Variants in TTC23 observed in about 807,000 individuals in gnomAD.
The protein encoded by TTC23 is tetratricopeptide repeat protein 23.
A neutral mutation model predicts 55.1 loss-of-function variants in TTC23; 58 were observed. That is an observed-to-expected ratio of 1.05 (90% CI 0.85 to 1.31). The LOEUF is 1.31. TTC23 is among the 50% of genes most tolerant of loss of function. The pLI, the probability that TTC23 is intolerant of heterozygous loss-of-function variation, is 0.00. For missense variants in TTC23, 516 were observed against 534.4 expected, an observed-to-expected ratio of 0.97 and a Z score of 0.34; for synonymous variants, 203 against 199.9, an observed-to-expected ratio of 1.02 and a Z score of -0.13.
In TTC23 at chr15:99,161,863, T is replaced by C. The variant is rs1463949304; in HGVS notation, c.870A>G (p.Val290=). ...VASGRHEHHD[V]AEQYFQESMA... ...TGCTCTCTTGAAAATACTGCTCAGC[T>C]ACATCTGAAGAAAAGCATTTATCAT... The change falls in exon 11 of 14, where the codon GTA becomes GTG. Residue 290 remains valine, a synonymous_variant. Coordinates refer to ENST00000394132, the MANE Select transcript of TTC23 (RefSeq NM_001288615.3). 2 of 1,596,718 alleles carry C rather than the reference T, an allele frequency of 1.3e-6. No individual in the cohort carries two copies. Among genetic ancestry groups the C allele is most frequent in the Non-Finnish European group, 8.5e-7 (1 of 1,175,498 alleles).
At chr15:99,209,934 T>G (rs1463858436) in intron 8 of TTC23, among the ~76,000 whole-genome samples, 1 of 152,084 alleles carries the variant, frequency 6.6e-6, no homozygotes, top group Non-Finnish European at 1.5e-5. Context: ...ATTAGTTGTA[T>G]TAATTTGAGA....
At chr15:99,174,735 A>C (rs1407973769) in intron 10 of TTC23, among the ~76,000 whole-genome samples, 2 of 151,044 alleles carry the variant, frequency 1.3e-5, no homozygotes, top group East Asian at 3.9e-4. Flanking sequence ...TTAAAAATAG[A>C]TCACCTTTGA....
chr15:99,234,608 G>A (rs560505848), intron 4 of TTC23, among the ~76,000 whole-genome samples: 4 of 152,086 alleles, frequency 2.6e-5, no homozygotes, highest in African/African-American at 7.2e-5. Flanking sequence ...TCCTGACCTC[G>A]TGATCTGCCT....
chr15:99,170,946 C>T (rs1331677334), intron 10 of TTC23, among the ~76,000 whole-genome samples: 2 of 152,346 alleles, frequency 1.3e-5, no homozygotes, highest in Admixed American at 1.3e-4. Context: ...ACAAGGATTT[C>T]AATGGCAGCA....
intron 9 of TTC23, among the ~76,000 whole-genome samples, chr15:99,178,100 T>C (rs2073774210): frequency 6.6e-6 from 1 of 152,190 alleles, no homozygotes; most frequent in African/African-American, 2.4e-5. Context: ...GAAGATCACT[T>C]GATCCTGGGA....
At chr15:99,169,679 G>A (rs2072647804) in intron 10 of TTC23, among the ~76,000 whole-genome samples, 1 of 152,254 alleles carries the variant, frequency 6.6e-6, no homozygotes, top group Non-Finnish European at 1.5e-5. Context: ...AGGTAAAAAA[G>A]AGGAGACCTG....
At chr15:99,245,237 C>G (rs1396400233) in intron 2 of TTC23, among the ~76,000 whole-genome samples, 152 bp downstream of exon 2, 1 of 152,220 alleles carries the variant, frequency 6.6e-6, no homozygotes, top group African/African-American at 2.4e-5. Flanking sequence ...AGAGGCCGGG[C>G]GTGGTGGCTC....
At chr15:99,250,664 A>T (rs1467096322), upstream of TTC23, among the ~76,000 whole-genome samples, 1 of 152,238 alleles carries the variant, frequency 6.6e-6, no homozygotes, top group African/African-American at 2.4e-5. Context: ...TCGCTGACAT[A>T]ATAATTTTCG....
chr15:99,177,834 C>A (rs1681496548), intron 9 of TTC23, among the ~76,000 whole-genome samples: 1 of 151,624 alleles, frequency 6.6e-6, no homozygotes, highest in South Asian at 2.1e-4. Context: ...TGTTTTTTTG[C>A]CATGGAGACA....
intron 9 of TTC23, among the ~76,000 whole-genome samples, chr15:99,188,645 G>A (rs1057142217): frequency 2.0e-5 from 3 of 151,886 alleles, no homozygotes; most frequent in Non-Finnish European, 4.4e-5. Context: ...GAAATGACAG[G>A]AATATTTCAC....
chr15:99,166,276 G>C (rs1033884587), intron 10 of TTC23, among the ~76,000 whole-genome samples: 48 of 152,250 alleles, frequency 3.2e-4, no homozygotes, highest in African/African-American at 1.0e-3. Flanking sequence ...CCACCTCCCA[G>C]GATTCCTTCC....
chr15:99,166,294 GC>G (rs570331769), intron 10 of TTC23, among the ~76,000 whole-genome samples: 30 of 152,202 alleles, frequency 2.0e-4, no homozygotes, highest in African/African-American at 6.5e-4. Context: ...TCCCCTAACT[GC>G]CCCGAAAAGC....
rs535019866 is a variant in TTC23 at position 99,219,172 on chromosome 15, G to A, written c.305-124C>T. 37 of 1,074,444 alleles carry A rather than the reference G, an allele frequency of 3.4e-5. No individual in the cohort carries two copies. The African/African-American group carries it at 3.9e-4, about 11-fold the overall frequency. The allele number at this position is 1,074,444 out of a possible 1,614,324, so 66.6% of individuals were successfully genotyped here. ...ATATTGTCAAATGACACATGGAGAC[G>A]TATCTGGGCAGCATGAAACACTGCC... On this transcript the variant is annotated intron_variant, in intron 6 of 13. Transcript: ENST00000394132.
At chr15:99,167,302 G>A (rs1224307003) in intron 10 of TTC23, among the ~76,000 whole-genome samples, 1 of 152,172 alleles carries the variant, frequency 6.6e-6, no homozygotes, top group Non-Finnish European at 1.5e-5. Flanking sequence ...CTCACACAAG[G>A]CCACCCCTAC....
At chr15:99,172,495 G>A (rs1012799616) in intron 10 of TTC23, among the ~76,000 whole-genome samples, 13 of 152,190 alleles carry the variant, frequency 8.5e-5, no homozygotes, top group African/African-American at 2.9e-4. Context: ...GGCCTAAGGT[G>A]GGAGGAGACA....
At chr15:99,170,219 C>T (rs1261164341) in intron 10 of TTC23, among the ~76,000 whole-genome samples, 1 of 152,080 alleles carries the variant, frequency 6.6e-6, no homozygotes, top group African/African-American at 2.4e-5. Context: ...GTTTTGTCTG[C>T]ATAAGGAATA....
At chr15:99,150,670 C>A (rs2069597690) in intron 12 of TTC23, among the ~76,000 whole-genome samples, 1 of 152,154 alleles carries the variant, frequency 6.6e-6, no homozygotes, top group Non-Finnish European at 1.5e-5. Context: ...AGTTAGTGTT[C>A]CCTATCATCA....
At position 99,187,452 on chromosome 15, in the gene TTC23, C is replaced by CAAAAAAAAAAAAAAAAAA. The variant is rs66568931; in HGVS notation, c.760-12298_760-12297insTTTTTTTTTTTTTTTTTT. ...GGAGATGTGATGCCAAAAGCACAAG[C>CAAAAAAAAAAAAAAAAAA]AAAAAAAAAAAAAAAACAAAACAAA... On this transcript the variant is annotated intron_variant, in intron 9 of 13. Transcript: ENST00000394132. Among the ~76,000 whole-genome samples, 88 of 44,446 alleles carry CAAAAAAAAAAAAAAAAAA rather than the reference C, an allele frequency of 2.0e-3. 4 individuals carry two copies. Among genetic ancestry groups the CAAAAAAAAAAAAAAAAAA allele is most frequent in the African/African-American group, 2.8e-3 (29 of 10,178 alleles). The allele number at this position is 44,446 out of a possible 152,430, so 29.2% of individuals were successfully genotyped here.
chr15:99,224,012 C>G (rs1361792485), intron 5 of TTC23, among the ~76,000 whole-genome samples: 1 of 152,184 alleles, frequency 6.6e-6, no homozygotes, highest in Non-Finnish European at 1.5e-5. Context: ...AATGTCAAAG[C>G]TCAAAGGGCT....
Sources: gnomAD v4.1 joint callset for allele counts (sites outside exome capture counted in the v4.1 genomes callset) on GRCh38, gnomAD v4.1.1 for gene constraint, MANE v1.5 for transcripts, NCBI Gene and HGNC (gene_info 2026-07-23, HGNC 2026-07-21) for gene names.